Variants in CFAP46 observed in about 807,000 individuals in gnomAD.
The protein encoded by CFAP46 is cilia- and flagella-associated protein 46.
A neutral mutation model predicts 325.7 loss-of-function variants in CFAP46; 245 were observed. The ratio of observed to expected loss-of-function variants is 0.75; its 90% confidence interval spans 0.68 to 0.84. The LOEUF (loss-of-function observed/expected upper bound fraction) is 0.84, where lower values mean the gene tolerates loss of function less well. CFAP46 is among the 40% of genes least tolerant of loss of function. The pLI, the probability that CFAP46 is intolerant of heterozygous loss-of-function variation, is 0.00. For missense variants in CFAP46, 3,346 were observed against 3,543.0 expected (o/e 0.94, Z 1.41); for synonymous variants, 1,523 against 1,495.9 (o/e 1.02, Z -0.42).
Position 132,812,861 on chromosome 10 carries a change from G to A in CFAP46, c.7425C>T (p.Ser2475=), listed in dbSNP as rs73389101. The change falls in exon 55 of 58, where the codon AGC becomes AGT. Residue 2475 remains serine, a synonymous_variant. Transcript: ENST00000368586. ...TCTCCATTCCATAGAAGAAGAAACCGCTGCAGCTGCCCAGGGCCTGCTCCC... is the reference window on the plus strand; with the variant it reads ...TCTCCATTCCATAGAAGAAGAAACCACTGCAGCTGCCCAGGGCCTGCTCCC... ...AQWEQALGSC[S]GFFFYGMESF... is the part of the protein sequence containing the mutation. 4.0e-4 allele frequency: 638 copies of A among 1,610,590 alleles called. 3 individuals are homozygous for A. The African/African-American group carries it at 7.5e-3, about 19-fold the overall frequency.
Position 132,832,532 on chromosome 10 carries a change from G to C in CFAP46, c.7117+826C>G, listed in dbSNP as rs1443961354. On this transcript the variant is annotated intron_variant, in intron 50 of 57. Coordinates refer to ENST00000368586, the MANE Select transcript of CFAP46 (RefSeq NM_001200049.3). This position sits in a 1 kb window ranked among gnomAD's most constrained non-coding sequence, Gnocchi z 4.1. ...ATGTTTGAAAACCCTCATTTCATGT[G>C]CTTTTCTCTGGTTTTTATTTGTCTC... 2 of 329,996 alleles carry C rather than the reference G, an allele frequency of 6.1e-6. No homozygotes were observed. The highest frequency in any genetic ancestry group is 1.2e-5 in the Non-Finnish European group (2 of 164,490). 20.4% of individuals were successfully genotyped at this position (329,996 alleles called of 1,614,324 possible). A position where few individuals can be genotyped will look rare whatever the true frequency, so the allele number is the denominator to read the frequency against.
At chr10:132,873,146 C>T (rs1485665218) in intron 31 of CFAP46, among the ~76,000 whole-genome samples, 1 of 152,264 alleles carries the variant, frequency 6.6e-6, no homozygotes, top group Admixed American at 6.5e-5. Flanking sequence ...CTAAAAACTA[C>T]TGACTCATTA....
rs1850102179 is a variant in CFAP46, at chr10:132,941,594, G to T, written c.303C>A (p.Asn101Lys). ...AQMCAPKSAENLEEFENCVTE... is the reference protein window; with the variant it reads ...AQMCAPKSAEKLEEFENCVTE... ...AGGGGCACAGGACGCCTCTCACCAG[G>T]TTTTCTGCCGACTTCGGGGCACACA... Residue 101 changes from asparagine (N) to lysine (K), a missense_variant, in exon 3 of 58, where the codon AAC becomes AAA. Physicochemically the swap from Asn to Lys is moderately conservative, Grantham distance 94. Coordinates refer to ENST00000368586, the MANE Select transcript of CFAP46 (RefSeq NM_001200049.3). 5 of 1,612,720 alleles carry T rather than the reference G, an allele frequency of 3.1e-6. No homozygotes were observed. The highest frequency in any genetic ancestry group is 4.2e-6 in the Non-Finnish European group (5 of 1,179,210).
chr10:132,936,925 A>T, intron 7 of CFAP46, 36 bp downstream of exon 7: 1 of 1,317,140 alleles, frequency 7.6e-7, no homozygotes, highest in South Asian at 1.7e-5. Flanking sequence ...GCACTTGTGA[A>T]ACTCAGTATT....
At chr10:132,913,328 GC>G in intron 17 of CFAP46, 70 bp from the exon 18 acceptor site, 2 of 1,297,100 alleles carry the variant, frequency 1.5e-6, no homozygotes, top group Non-Finnish European at 2.2e-6. Context: ...CAGGAAGGCT[GC>G]GGGGCCTGTT....
chr10:132,887,562 T>C (rs1849170212), intron 25 of CFAP46, among the ~76,000 whole-genome samples: 1 of 66,176 alleles, frequency 1.5e-5, no homozygotes, highest in African/African-American at 6.2e-5. Context: ...TCCCTTCTTC[T>C]CTCTCCTCTC....
intron 6 of CFAP46, 145 bp downstream of exon 6, chr10:132,937,407 T>A: frequency 2.3e-6 from 2 of 882,510 alleles, no homozygotes; most frequent in Non-Finnish European, 3.5e-6. Context: ...TTCTTTTTAA[T>A]ATGCTTATGT....
rs1849695817 is a variant in CFAP46, at chr10:132,919,935, G to A, written c.1730+124C>T. The A allele has an allele frequency of 3.9e-6, 5 of 1,278,946 alleles. No individual in the cohort carries two copies. Among genetic ancestry groups the A allele is most frequent in the Non-Finnish European group, 5.1e-6 (5 of 972,954 alleles). 79.2% of individuals were successfully genotyped at this position (1,278,946 alleles called of 1,614,324 possible). On this transcript the variant is annotated intron_variant, in intron 14 of 57. Coordinates refer to ENST00000368586, the MANE Select transcript of CFAP46 (RefSeq NM_001200049.3). The surrounding 1 kb of genome is among the most constrained non-coding windows in gnomAD (Gnocchi z 9.7). ...ACCTCGTCCCACCATCCTGGAGCAG[G>A]TGGCCTGGCGAGTCCCCAGACGGCC...
At chr10:132,810,611 G>A (rs748416400) in intron 56 of CFAP46, 122 bp from the exon 57 acceptor site, 14 of 871,224 alleles carry the variant, frequency 1.6e-5, no homozygotes, top group East Asian at 7.9e-5. Flanking sequence ...GGCCCGCAGC[G>A]CGTTGTCCTG....
At chr10:132,915,672 C>T (rs1377684468) in intron 17 of CFAP46, among the ~76,000 whole-genome samples, 4 of 152,048 alleles carry the variant, frequency 2.6e-5, no homozygotes, top group African/African-American at 9.7e-5. Context: ...CATGGATAGT[C>T]GGGGACACCC....
chr10:132,848,328 C>T (rs1005869679), intron 41 of CFAP46, among the ~76,000 whole-genome samples: 5 of 152,144 alleles, frequency 3.3e-5, no homozygotes, highest in East Asian at 3.8e-4. Context: ...TCAGTGAGGC[C>T]GACAGCCAAG....
At chr10:132,913,361 G>C (rs958261374) in intron 17 of CFAP46, 103 bp from the exon 18 acceptor site, 2 of 377,106 alleles carry the variant, frequency 5.3e-6, no homozygotes, top group Non-Finnish European at 1.1e-5. Context: ...TGCAGGGCAA[G>C]AAGTGGGAGG....
At chr10:132,909,804 G>C (rs1285229230) in intron 20 of CFAP46, 115 bp downstream of exon 20, 3 of 1,002,030 alleles carry the variant, frequency 3.0e-6, no homozygotes, top group East Asian at 3.1e-5. Flanking sequence ...CAGGCCATCC[G>C]TGATGGCTCC....
chr10:132,926,687 T>TGAAAA lies in CFAP46; in HGVS notation c.967-26_967-22dup. The TGAAAA allele has an allele frequency of 2.0e-6, 3 of 1,506,698 alleles. No homozygotes were observed. The South Asian group carries it at 3.6e-5, about 18-fold the overall frequency. The allele number at this position is 1,506,698 out of a possible 1,614,324, so 93.3% of individuals were successfully genotyped here. ...GGATCCTGCAGATATAAACAGTTTT[T>TGAAAA]GAAAAGATGGAGATCTGTAAGGGAA... On this transcript the variant is annotated intron_variant, in intron 9 of 57. Transcript: ENST00000368586.
At chr10:132,822,612 GTGTTGTGTGAGTGCTGATGTGTGCTGTC>G (rs1847889718) in intron 50 of CFAP46, among the ~76,000 whole-genome samples, 3 of 141,600 alleles carry the variant, frequency 2.1e-5, no homozygotes, top group East Asian at 2.2e-4. Flanking sequence ...TGTGTGCTGT[GTGTTGTGTGAGTGCTGATGTGTGCTGTC>G]TGTGCGCTGA....
chr10:132,923,854 G>A (rs59096071), intron 11 of CFAP46, among the ~76,000 whole-genome samples: 14,933 of 152,128 alleles, frequency 0.098, 1,265 homozygotes, highest in African/African-American at 0.23. Context: ...CTTAGCCCCA[G>A]AGAAATCTTC....
chr10:132,824,285 A>T (rs1224025821), intron 50 of CFAP46, among the ~76,000 whole-genome samples: 11 of 67,292 alleles, frequency 1.6e-4, no homozygotes, highest in African/African-American at 3.2e-4. Flanking sequence ...GTGTGTGCTG[A>T]GTGCTGATGT....
At chr10:132,905,700 C>T (rs950372396) in intron 22 of CFAP46, among the ~76,000 whole-genome samples, 13 of 152,206 alleles carry the variant, frequency 8.5e-5, no homozygotes, top group African/African-American at 3.1e-4. Context: ...GTTCTATTTC[C>T]TGCTCCTCTG....
In CFAP46 at chr10:132,846,038, G is replaced by A. The variant is rs756829266; in HGVS notation, c.6438+19C>T. 2.4e-5 allele frequency: 38 copies of A among 1,594,330 alleles called. No homozygotes were observed. The highest frequency in any genetic ancestry group is 2.0e-4 in the African/African-American group (15 of 74,684). On this transcript the variant is annotated intron_variant, in intron 44 of 57. Transcript: ENST00000368586. ...CTCCAGAGCTGGGGGCAGGTTCAGC[G>A]GCATCCGTGCCCGCTTACCTTGGAC...
Sources: allele counts gnomAD v4.1 joint callset (sites outside exome capture counted in the v4.1 genomes callset), GRCh38; gene constraint gnomAD v4.1.1; non-coding constraint Gnocchi (gnomAD v3.1); transcripts MANE v1.5; gene names NCBI Gene and HGNC (gene_info 2026-07-23, HGNC 2026-07-21).